TSPAN12: variants seen among roughly 807,000 people sequenced by gnomAD.
The protein encoded by TSPAN12 is tetraspanin 12, also known as tetraspanin-12.
TSPAN12 carries 19 observed loss-of-function variants against 39.2 expected under a neutral mutation model. The ratio of observed to expected loss-of-function variants is 0.49; its 90% CI spans 0.34 to 0.71. The LOEUF (loss-of-function observed/expected upper bound fraction) is 0.71, where lower values mean the gene tolerates loss of function less well. TSPAN12 is among the 30% of genes least tolerant of loss of function. The pLI is 0.01. For synonymous variants in TSPAN12, 119 were observed against 124.8 expected, an observed-to-expected ratio of 0.95 and a Z score of 0.31; for missense variants, 314 against 359.9, an observed-to-expected ratio of 0.87 and a Z score of 1.03.
intron 7 of TSPAN12, among the ~76,000 whole-genome samples, chr7:120,791,692 A>C (rs1793526254): frequency 6.6e-6 from 1 of 152,204 alleles, no homozygotes; most frequent in Non-Finnish European, 1.5e-5. Context: ...AATTAAGTAC[A>C]GTTTATCATG....
chr7:120,812,697 T>G (rs1297526258), intron 5 of TSPAN12, among the ~76,000 whole-genome samples: 1 of 152,216 alleles, frequency 6.6e-6, no homozygotes, highest in Non-Finnish European at 1.5e-5. Flanking sequence ...TGTGTTCATA[T>G]GCCTTCAACA....
chr7:120,853,596 C>T (rs186630199), intron 2 of TSPAN12, among the ~76,000 whole-genome samples: 5 of 149,014 alleles, frequency 3.4e-5, no homozygotes, highest in Non-Finnish European at 7.4e-5. Flanking sequence ...TATTACAGGC[C>T]GGGCACAGTG....
intron 2 of TSPAN12, among the ~76,000 whole-genome samples, chr7:120,846,162 C>T (rs1465615070): frequency 6.6e-6 from 1 of 152,206 alleles, no homozygotes; most frequent in Non-Finnish European, 1.5e-5. Context: ...AGAACTCACT[C>T]TCTACCATGA....
chr7:120,812,493 T>C (rs1794000987), intron 5 of TSPAN12, among the ~76,000 whole-genome samples: 1 of 152,162 alleles, frequency 6.6e-6, no homozygotes, highest in Non-Finnish European at 1.5e-5. Context: ...AACTAGAGAT[T>C]AGGATTATTA....
intron 4 of TSPAN12, among the ~76,000 whole-genome samples, chr7:120,821,073 TC>T (rs1329875444): frequency 1.3e-5 from 2 of 152,176 alleles, no homozygotes; most frequent in African/African-American, 4.8e-5. Context: ...TAAATGTGTG[TC>T]TATATGGGAA....
chr7:120,846,321 T>C (rs559239332), intron 2 of TSPAN12, among the ~76,000 whole-genome samples: 73 of 152,304 alleles, frequency 4.8e-4, no homozygotes, highest in African/African-American at 1.7e-3. Context: ...TTTACAGTTA[T>C]AAAAAACTCC....
At position 120,854,703 on chromosome 7, in the gene TSPAN12, C is replaced by CA. The variant is rs1310517550; in HGVS notation, c.66+1994dup. ...CCCAAATGAGAAACTAATTTAACAG[C>CA]AAAAAAATCAAGAATTTACATGTAT... On this transcript the variant is annotated intron_variant, in intron 2 of 7. Coordinates refer to ENST00000222747, the MANE Select transcript of TSPAN12 (RefSeq NM_012338.4). Among the ~76,000 whole-genome samples, 41 of 152,100 alleles carry CA rather than the reference C, an allele frequency of 2.7e-4. 1 individual carries two copies. Among genetic ancestry groups the CA allele is most frequent in the Admixed American group, 2.0e-3 (30 of 15,288 alleles).
At chr7:120,824,277 A>C (rs989264552) in intron 4 of TSPAN12, among the ~76,000 whole-genome samples, 6 of 81,200 alleles carry the variant, frequency 7.4e-5, no homozygotes, top group Non-Finnish European at 1.3e-4. Context: ...CTAAAAATGC[A>C]AAAAAAAAAA....
intron 7 of TSPAN12, among the ~76,000 whole-genome samples, chr7:120,799,647 ATAAT>A (rs910787024): frequency 9.8e-6 from 1 of 101,582 alleles, no homozygotes; most frequent in African/African-American, 4.2e-5. Flanking sequence ...ATACTTATAT[ATAAT>A]TAAATATATA....
At chr7:120,795,283 T>C (rs1230948455) in intron 7 of TSPAN12, among the ~76,000 whole-genome samples, 1 of 152,230 alleles carries the variant, frequency 6.6e-6, no homozygotes, top group East Asian at 1.9e-4. Flanking sequence ...TGCAAAGGTA[T>C]GAATAAGACA....
At chr7:120,833,430 G>T (rs1461980638) in intron 4 of TSPAN12, among the ~76,000 whole-genome samples, 1 of 151,294 alleles carries the variant, frequency 6.6e-6, no homozygotes, top group Non-Finnish European at 1.5e-5. Context: ...AAAAACAAGG[G>T]GAAATTTCTC....
intron 2 of TSPAN12, among the ~76,000 whole-genome samples, chr7:120,840,422 C>T (rs1584949365): frequency 1.3e-5 from 2 of 152,236 alleles, no homozygotes; most frequent in South Asian, 2.1e-4. Context: ...TAAGATGTGT[C>T]TAAAACACAT....
chr7:120,839,461 G>A (rs749284516), intron 3 of TSPAN12, among the ~76,000 whole-genome samples: 2 of 152,130 alleles, frequency 1.3e-5, no homozygotes, highest in Non-Finnish European at 2.9e-5. Flanking sequence ...CAGTATTAAT[G>A]ATAAAAATTA....
chr7:120,826,505 A>T (rs1794289786), intron 4 of TSPAN12, among the ~76,000 whole-genome samples: 1 of 152,302 alleles, frequency 6.6e-6, no homozygotes, highest in South Asian at 2.1e-4. Context: ...TTATTGGGCC[A>T]TTCCTAAGAA....
At chr7:120,841,122 T>C (rs531163128) in intron 2 of TSPAN12, among the ~76,000 whole-genome samples, 4 of 152,220 alleles carry the variant, frequency 2.6e-5, no homozygotes, top group African/African-American at 9.6e-5. Flanking sequence ...ATAGAGAAAG[T>C]AGGCAGATGA....
chr7:120,806,604 A>G lies in TSPAN12; in HGVS notation c.557T>C (p.Phe186Ser), dbSNP rs139774717. ...GTGGGCCTGTTTGGAACATCCTGGG[A>G]ATTCTCTAACACAGCAGGAATCTGG... Reference protein sequence around the residue: ...WPPDSCCVREFPGCSKQAHQE... With the variant: ...WPPDSCCVRESPGCSKQAHQE... The change falls in exon 7 of 8, where the codon TTC becomes TCC. Residue 186 changes from phenylalanine to serine, a missense_variant. Phe to Ser is a radical substitution (Grantham distance 155, BLOSUM62 -2). Coordinates refer to ENST00000222747, the MANE Select transcript of TSPAN12 (RefSeq NM_012338.4). 6.2e-7 allele frequency: 1 copy of G among 1,613,448 alleles called. No homozygotes were observed. Among genetic ancestry groups the G allele is most frequent in the Non-Finnish European group, 8.5e-7 (1 of 1,179,644 alleles).
chr7:120,842,029 A>T (rs1794587772), intron 2 of TSPAN12, among the ~76,000 whole-genome samples: 1 of 152,226 alleles, frequency 6.6e-6, no homozygotes, highest in Non-Finnish European at 1.5e-5. Context: ...ATGTAGGGAA[A>T]TTCGACTTAC....
chr7:120,842,148 T>A (rs1274509759), intron 2 of TSPAN12, among the ~76,000 whole-genome samples: 1 of 152,246 alleles, frequency 6.6e-6, no homozygotes, highest in Non-Finnish European at 1.5e-5. Flanking sequence ...TAGAAATGAG[T>A]CTGCGCTAAC....
intron 2 of TSPAN12, among the ~76,000 whole-genome samples, chr7:120,855,826 T>A (rs190116284): frequency 6.6e-5 from 10 of 152,298 alleles, no homozygotes; most frequent in African/African-American, 2.4e-4. Flanking sequence ...GTCAGCCACA[T>A]AAATAAATTG....
Sources: allele counts gnomAD v4.1 joint callset (sites outside exome capture counted in the v4.1 genomes callset), GRCh38; gene constraint gnomAD v4.1.1; transcripts MANE v1.5; gene names NCBI Gene and HGNC (gene_info 2026-07-23, HGNC 2026-07-21).